EPS15: variants seen among roughly 807,000 people sequenced by gnomAD.
EPS15 encodes epidermal growth factor receptor pathway substrate 15.
Under a neutral mutation model 113.8 loss-of-function variants are expected in EPS15, and 72 were observed. That is an observed-to-expected ratio of 0.63 (90% CI 0.52 to 0.77). The LOEUF (loss-of-function observed/expected upper bound fraction) is 0.77. Among genes scored for constraint, EPS15 ranks in the 30% least tolerant of loss-of-function variants. The pLI, the probability that EPS15 is intolerant of heterozygous loss-of-function variation, is 0.00. For synonymous variants in EPS15, 344 were observed against 363.4 expected, an observed-to-expected ratio of 0.95 and a Z score of 0.61; for missense variants, 1,048 against 1,045.8, an observed-to-expected ratio of 1.00 and a Z score of -0.03.
At chr1:51,416,383 G>T (rs1352362216) in intron 13 of EPS15, among the ~76,000 whole-genome samples, 2 of 152,188 alleles carry the variant, frequency 1.3e-5, no homozygotes, top group African/African-American at 4.8e-5. Context: ...AGCAGCAGCT[G>T]AAGCATGGCA....
intron 9 of EPS15, 48 bp downstream of exon 9, chr1:51,447,998 G>T: frequency 6.2e-7 from 1 of 1,600,776 alleles, no homozygotes; most frequent in Non-Finnish European, 8.5e-7. Context: ...AAGATTCCTT[G>T]GCTGATGCTG....
chr1:51,408,608 T>C (rs1649369769), intron 14 of EPS15, among the ~76,000 whole-genome samples: 1 of 151,440 alleles, frequency 6.6e-6, no homozygotes, highest in African/African-American at 2.4e-5. Context: ...GAGTTTTTGA[T>C]GTTGTTGTTG....
intron 11 of EPS15, among the ~76,000 whole-genome samples, chr1:51,441,609 A>G (rs1652602985): frequency 6.6e-6 from 1 of 152,108 alleles, no homozygotes; most frequent in African/African-American, 2.4e-5. Flanking sequence ...GAAACCTAAA[A>G]GCACACAATA....
intron 4 of EPS15, among the ~76,000 whole-genome samples, chr1:51,470,598 G>T: frequency 7.5e-6 from 1 of 132,622 alleles, no homozygotes; most frequent in Non-Finnish European, 1.5e-5. Context: ...AGTGAGCCAA[G>T]ATCACGCCAC....
intron 13 of EPS15, among the ~76,000 whole-genome samples, chr1:51,419,415 T>A (rs1650540097): frequency 6.6e-6 from 1 of 151,904 alleles, no homozygotes; most frequent in East Asian, 1.9e-4. Context: ...AAAAAAAAAA[T>A]TAAAGCTTTT....
Position 51,423,522 on chromosome 1 carries a change from C to T in EPS15, c.1041-1664G>A, listed in dbSNP as rs1650958806. ...GATAAGTCACATGAAAATCTAGCAC[C>T]CTCCCCCCATCCCAAATCCTCAGAG... On this transcript the variant is annotated intron_variant, in intron 12 of 24. Transcript: ENST00000371733. The T allele has an allele frequency of 1.0e-5, 10 of 985,152 alleles. No homozygotes were observed. In the South Asian group the frequency reaches 3.8e-4, roughly 37 times the overall value. 61.0% of individuals were successfully genotyped at this position (985,152 alleles called of 1,614,324 possible).
intron 1 of EPS15, among the ~76,000 whole-genome samples, chr1:51,499,799 G>A (rs1644382632): frequency 6.6e-6 from 1 of 151,804 alleles, no homozygotes; most frequent in Admixed American, 6.6e-5. Flanking sequence ...TTTTTATTAT[G>A]GTAAAATACA....
At chr1:51,358,310 A>G (rs908009162) in intron 24 of EPS15, among the ~76,000 whole-genome samples, 14 of 152,310 alleles carry the variant, frequency 9.2e-5, no homozygotes, top group African/African-American at 3.4e-4. Flanking sequence ...AACAAAAAGC[A>G]TTATGAAGAT....
chr1:51,370,251 G>A (rs182575632), intron 21 of EPS15, among the ~76,000 whole-genome samples: 5 of 152,298 alleles, frequency 3.3e-5, no homozygotes, highest in Admixed American at 6.5e-5. Flanking sequence ...GTTGCCAGTC[G>A]TATCAAAGTA....
At chr1:51,423,808 T>C (rs1650979239) in intron 12 of EPS15, 1 of 776,122 alleles carries the variant, frequency 1.3e-6, no homozygotes, top group South Asian at 5.9e-5. Flanking sequence ...GGAAGCTCAC[T>C]TGGTGAAAAT....
chr1:51,485,833 T>C (rs561159253), intron 1 of EPS15, among the ~76,000 whole-genome samples: 2 of 152,300 alleles, frequency 1.3e-5, no homozygotes, highest in South Asian at 2.1e-4. Flanking sequence ...AGTTCGCTCT[T>C]GTCGCCCAGG....
chr1:51,444,999 AC>A lies in EPS15; in HGVS notation c.843del (p.Gln281HisfsTer8). 1 of 1,614,028 alleles carries A rather than the reference AC, an allele frequency of 6.2e-7. No homozygotes were observed. Among genetic ancestry groups the A allele is most frequent in the South Asian group, 1.1e-5 (1 of 91,074 alleles). On this transcript the variant is annotated frameshift_variant, in exon 11 of 25. Transcript: ENST00000371733. LOFTEE classifies it high-confidence loss of function. ...CTGATTAAGTGAAAAGCCAAGGCAA[AC>A]TGATCCTTTGAAAGCTTCCCACAGT... ...TKDCGKLSKD[Q>X]FALAFHLISQ... is the part of the protein sequence containing the mutation.
intron 10 of EPS15, among the ~76,000 whole-genome samples, chr1:51,445,842 G>A (rs781720751): frequency 6.6e-5 from 10 of 152,154 alleles, no homozygotes; most frequent in Non-Finnish European, 1.5e-4. Flanking sequence ...CATCTATAAA[G>A]TGGAGATGAT....
chr1:51,439,591 TA>T (rs1352848717), intron 12 of EPS15, among the ~76,000 whole-genome samples: 1 of 152,120 alleles, frequency 6.6e-6, no homozygotes, highest in Non-Finnish European at 1.5e-5. Flanking sequence ...TCAGTATTAC[TA>T]TAAAGTTTCC....
At chr1:51,477,968 G>C (rs1643943107) in intron 2 of EPS15, among the ~76,000 whole-genome samples, 1 of 152,140 alleles carries the variant, frequency 6.6e-6, no homozygotes, top group Admixed American at 6.6e-5. Context: ...GGTCTATTAG[G>C]TCCGGTTGGT....
chr1:51,470,955 T>A (rs1340824983), intron 4 of EPS15, among the ~76,000 whole-genome samples: 3 of 152,082 alleles, frequency 2.0e-5, no homozygotes, highest in African/African-American at 7.2e-5. Context: ...TACACCAAAG[T>A]AGCCCTTCTA....
intron 1 of EPS15, 114 bp downstream of exon 1, chr1:51,519,085 C>T: frequency 1.5e-6 from 1 of 686,114 alleles, no homozygotes; most frequent in Non-Finnish European, 2.2e-6. Context: ...CCGCCCGGCC[C>T]ACAAGCCAAG....
intron 20 of EPS15, among the ~76,000 whole-genome samples, chr1:51,395,681 C>T (rs1259656468): frequency 1.3e-5 from 2 of 152,202 alleles, no homozygotes; most frequent in East Asian, 3.8e-4. Flanking sequence ...TGTCTTCCTA[C>T]TTTATACTTT....
At chr1:51,453,257 C>T (rs1653722252) in intron 8 of EPS15, among the ~76,000 whole-genome samples, 1 of 151,960 alleles carries the variant, frequency 6.6e-6, no homozygotes, top group South Asian at 2.1e-4. Flanking sequence ...ACACTAGAAG[C>T]GAAAAAGCAA....
Sources: gnomAD v4.1 joint callset for allele counts (sites outside exome capture counted in the v4.1 genomes callset) on GRCh38, gnomAD v4.1.1 for gene constraint, MANE v1.5 for transcripts, NCBI Gene and HGNC (gene_info 2026-07-23, HGNC 2026-07-21) for gene names.